The following SYNE1 variants were observed in gnomAD, a reference collection of about 807,000 sequenced individuals.
SYNE1 encodes the protein spectrin repeat containing nuclear envelope protein 1, also known as nesprin-1.
SYNE1 carries 616 observed loss-of-function variants against 1,111.0 expected under a neutral mutation model. That is an observed-to-expected ratio of 0.55 (90% CI 0.52 to 0.59). The LOEUF is 0.59. SYNE1 is among the 20% of genes least tolerant of loss of function. The probability of loss-of-function intolerance (pLI) is 0.00; values close to 1 mark genes in which losing one functional copy is unlikely to be tolerated. For synonymous variants in SYNE1, 3,855 were observed against 3,825.8 expected (o/e 1.01, Z -0.28); for missense variants, 10,006 against 10,417.0 (o/e 0.96, Z 1.72).
intron 127 of SYNE1, among the ~76,000 whole-genome samples, chr6:152,199,602 T>C (rs2074971866): frequency 6.6e-6 from 1 of 152,230 alleles, no homozygotes; most frequent in Non-Finnish European, 1.5e-5. Context: ...TTTTGCAATT[T>C]GTATAACCAG....
At chr6:152,441,043 A>AATT in intron 32 of SYNE1, 87 bp downstream of exon 32, 1 of 1,494,130 alleles carries the variant, frequency 6.7e-7, no homozygotes, top group Admixed American at 1.7e-5. Flanking sequence ...TAACAATAAC[A>AATT]ATTAATAGTA....
chr6:152,390,554 C>G, intron 52 of SYNE1, 102 bp from the exon 53 acceptor site: 2 of 1,213,586 alleles, frequency 1.6e-6, no homozygotes, highest in Non-Finnish European at 2.3e-6. Context: ...GAATACTTTA[C>G]TTACCTTAAA....
At chr6:152,222,834 A>G (rs912857760) in intron 117 of SYNE1, among the ~76,000 whole-genome samples, 1 of 152,254 alleles carries the variant, frequency 6.6e-6, no homozygotes, top group Non-Finnish European at 1.5e-5. Context: ...GGAGACTATA[A>G]TTAATAATAA....
intron 103 of SYNE1, among the ~76,000 whole-genome samples, chr6:152,255,333 T>A (rs2090549078): frequency 6.6e-6 from 1 of 152,242 alleles, no homozygotes; most frequent in African/African-American, 2.4e-5. Flanking sequence ...GTACTTTTTT[T>A]AAGCATGTGT....
rs1172975819 is a variant in SYNE1 at position 152,497,548 on chromosome 6, G to C, written c.939+1194C>G. On this transcript the variant is annotated intron_variant, in intron 11 of 145. Transcript: ENST00000367255. Reference sequence around the variant, plus strand: ...TTCATTGTGAGCCTGAGGACAGGCTGCTCACCAACTTCTGGATTTAAAAAG... The same window carrying C: ...TTCATTGTGAGCCTGAGGACAGGCTCCTCACCAACTTCTGGATTTAAAAAG... Among the ~76,000 whole-genome samples the C allele has an allele frequency of 2.6e-5, 4 of 152,310 alleles. No individual in the cohort carries two copies. In the East Asian group the frequency reaches 7.7e-4, roughly 29 times the overall value.
chr6:152,267,515 C>T (rs61473208), intron 100 of SYNE1, among the ~76,000 whole-genome samples: 2,712 of 152,244 alleles, frequency 0.018, 74 homozygotes, highest in African/African-American at 0.062. Flanking sequence ...AGTGGTGCTT[C>T]CACACTGCTG....
chr6:152,269,430 C>G, intron 98 of SYNE1, 144 bp from the exon 99 acceptor site: 1 of 935,106 alleles, frequency 1.1e-6, no homozygotes, highest in Non-Finnish European at 1.6e-6. Flanking sequence ...TTAAAAAAAA[C>G]AGTAACACAA....
Position 152,248,972 on chromosome 6 carries a change from C to A in SYNE1, c.19572+189G>T, listed in dbSNP as rs545418321. 2.0e-5 allele frequency among the ~76,000 whole-genome samples: 3 copies of A among 152,272 alleles called. No individual in the cohort carries two copies. The South Asian group carries it at 6.2e-4, about 32-fold the overall frequency. ...TTTTCCCAGCTCACATTTCCTAGTT[C>A]TGTGCAGATGTAAGTAACAGAGTCA... On this transcript the variant is annotated intron_variant, in intron 105 of 145. Transcript: ENST00000367255.
chr6:152,192,072 T>C (rs983344787), intron 127 of SYNE1, among the ~76,000 whole-genome samples: 6 of 152,220 alleles, frequency 3.9e-5, no homozygotes, highest in African/African-American at 1.2e-4. Context: ...CTTTTTACTA[T>C]TGATTTCTAG....
intron 78 of SYNE1, among the ~76,000 whole-genome samples, chr6:152,328,427 C>T (rs2096145647): frequency 7.5e-6 from 1 of 133,094 alleles, no homozygotes; most frequent in African/African-American, 2.9e-5. Flanking sequence ...TTTATTTAGA[C>T]AGAGTTTCAC....
intron 29 of SYNE1, among the ~76,000 whole-genome samples, chr6:152,446,228 T>A (rs2098589469): frequency 6.6e-6 from 1 of 151,850 alleles, no homozygotes; most frequent in South Asian, 2.1e-4. Flanking sequence ...CTTTTTAGAA[T>A]GTTGTTTTTG....
intron 3 of SYNE1, among the ~76,000 whole-genome samples, chr6:152,584,019 G>T (rs1236695672): frequency 6.6e-6 from 1 of 152,226 alleles, no homozygotes. Flanking sequence ...TTGCCTGGGG[G>T]TTATGAACAG....
chr6:152,376,646 T>C (rs1240587473), intron 57 of SYNE1, 88 bp from the exon 58 acceptor site: 21 of 1,569,950 alleles, frequency 1.3e-5, no homozygotes, highest in Non-Finnish European at 1.8e-5. Context: ...GTTCTTAGAA[T>C]GTGCACTTAC....
chr6:152,618,084 G>A (rs925534291), intron 3 of SYNE1, among the ~76,000 whole-genome samples: 1 of 152,170 alleles, frequency 6.6e-6, no homozygotes, highest in Non-Finnish European at 1.5e-5. Context: ...TGTCACTGCT[G>A]TTGTGTTTTG....
In SYNE1 at chr6:152,419,583, G is replaced by C; in HGVS notation, c.5407C>G (p.Leu1803Val). Residue 1803 changes from leucine (L) to valine (V), a missense_variant, in exon 40 of 146, where the codon CTT becomes GTT. Coordinates refer to ENST00000367255, the MANE Select transcript of SYNE1 (RefSeq NM_182961.4). Reference protein sequence around the residue: ...EISIMDHQVALTRHKDHAAEV... With the variant: ...EISIMDHQVAVTRHKDHAAEV... ...AACCACTTTACCTTATGCCGAGTAA[G>C]GGCTACTTGATGGTCCATTATGCTA... 1 of 1,612,318 alleles carries C rather than the reference G, an allele frequency of 6.2e-7. No homozygotes were observed. The highest frequency in any genetic ancestry group is 1.3e-5 in the African/African-American group (1 of 74,482).
chr6:152,550,584 C>T (rs1174549799), intron 3 of SYNE1, among the ~76,000 whole-genome samples: 1 of 150,980 alleles, frequency 6.6e-6, no homozygotes, highest in Non-Finnish European at 1.5e-5. Flanking sequence ...GAGGAGGGGA[C>T]AGATGCATCA....
intron 108 of SYNE1, 51 bp downstream of exon 108, chr6:152,239,482 T>TTTTGCAGCAGGAAG: frequency 6.2e-7 from 1 of 1,610,400 alleles, no homozygotes; most frequent in Non-Finnish European, 8.5e-7. Context: ...TAAAGGTCTA[T>TTTTGCAGCAGGAAG]TTTGCAGCAG....
At chr6:152,346,886 T>C (rs976452720) in intron 73 of SYNE1, among the ~76,000 whole-genome samples, 173 bp downstream of exon 73, 1 of 151,552 alleles carries the variant, frequency 6.6e-6, no homozygotes, top group Admixed American at 6.6e-5. Flanking sequence ...ACAAAATATG[T>C]TAGTTTTGTG....
chr6:152,272,108 G>A (rs1054037170), intron 98 of SYNE1, among the ~76,000 whole-genome samples: 1 of 152,144 alleles, frequency 6.6e-6, no homozygotes, highest in Admixed American at 6.5e-5. Flanking sequence ...GATTCTATGC[G>A]GTTAGACTCA....
Sources: gnomAD v4.1 joint callset for allele counts (sites outside exome capture counted in the v4.1 genomes callset) on GRCh38, gnomAD v4.1.1 for gene constraint, MANE v1.5 for transcripts, NCBI Gene and HGNC (gene_info 2026-07-23, HGNC 2026-07-21) for gene names.